CEP170: variants seen among roughly 807,000 people sequenced by gnomAD.
CEP170 encodes centrosomal protein of 170 kDa.
In CEP170, 21 loss-of-function variants were observed where a neutral mutation model predicts 151.9. That is an observed-to-expected ratio of 0.14 (90% CI 0.10 to 0.20). CEP170 has a LOEUF of 0.20. Ranked by LOEUF, CEP170 falls within the 10% of genes least tolerant of loss-of-function variation. The pLI is 1.00. For synonymous variants in CEP170, 356 were observed against 648.8 expected (o/e 0.55, Z 6.86); for missense variants, 964 against 1,892.9 (o/e 0.51, Z 9.11).
intron 10 of CEP170, among the ~76,000 whole-genome samples, chr1:243,183,041 C>A (rs2059725554): frequency 6.6e-6 from 1 of 151,552 alleles, no homozygotes; most frequent in East Asian, 1.9e-4. Flanking sequence ...GACCTGAGAT[C>A]TCCTCTTGGA....
At chr1:243,144,186 C>G (rs954274779) in intron 14 of CEP170, among the ~76,000 whole-genome samples, 5 of 152,166 alleles carry the variant, frequency 3.3e-5, no homozygotes, top group African/African-American at 1.2e-4. Context: ...CAGAAGGCAC[C>G]ATTATAATAT....
chr1:243,143,174 C>T (rs1301260752), intron 14 of CEP170, among the ~76,000 whole-genome samples: 1 of 151,886 alleles, frequency 6.6e-6, no homozygotes, highest in Non-Finnish European at 1.5e-5. Flanking sequence ...ACAAAATGGG[C>T]AAAGGGGTCT....
At chr1:243,207,437 C>A (rs2061497438) in intron 4 of CEP170, among the ~76,000 whole-genome samples, 1 of 152,116 alleles carries the variant, frequency 6.6e-6, no homozygotes. Context: ...TAATTATAGC[C>A]TGAGATTTCA....
intron 3 of CEP170, among the ~76,000 whole-genome samples, chr1:243,217,808 T>C (rs2062437746): frequency 6.6e-6 from 1 of 152,188 alleles, no homozygotes; most frequent in African/African-American, 2.4e-5. Context: ...GGTAGAGACC[T>C]GGTGGTGAGG....
chr1:243,126,507 A>G lies in CEP170; in HGVS notation c.4697T>C (p.Ile1566Thr), dbSNP rs762406857. ...ENAESEADFS[I>T]HFNRFNPDGE... is the part of the protein sequence containing the mutation. ...ATCGGGGTTGAATCTATTGAAATGT[A>G]TACTGAAATCAGCCTCAGATTCAGC... The change falls in exon 20 of 20, where the codon ATA becomes ACA. Residue 1566 changes from isoleucine (I) to threonine (T), a missense_variant. By Grantham distance (89) the Ile-to-Thr change is moderately conservative. Transcript: ENST00000366542. The G allele has an allele frequency of 9.3e-5, 150 of 1,608,710 alleles. No individual in the cohort carries two copies. In the East Asian group the frequency reaches 2.8e-3, roughly 30 times the overall value.
At chr1:243,212,199 A>G (rs1320275671) in intron 3 of CEP170, among the ~76,000 whole-genome samples, 1 of 152,210 alleles carries the variant, frequency 6.6e-6, no homozygotes, top group African/African-American at 2.4e-5. Flanking sequence ...AGATGAATTT[A>G]GGCACTTAGA....
chr1:243,152,521 A>ATATTT (rs2057196030), intron 14 of CEP170, among the ~76,000 whole-genome samples: 1 of 54,934 alleles, frequency 1.8e-5, no homozygotes, highest in African/African-American at 7.5e-5. Context: ...GCGCCCAGCC[A>ATATTT]TTTTTTTTTT....
In CEP170 at chr1:243,124,676, A is replaced by G. The variant is rs1036299311; in HGVS notation, c.*1773T>C. 1.3e-5 allele frequency: 2 copies of G among 152,564 alleles called. No individual in the cohort carries two copies. The highest frequency in any genetic ancestry group is 2.9e-5 in the Non-Finnish European group (2 of 67,988). The allele number at this position is 152,564 out of a possible 1,614,324, so 9.5% of individuals were successfully genotyped here. On this transcript the variant is annotated 3_prime_UTR_variant, in exon 20 of 20. Coordinates refer to ENST00000366542, the MANE Select transcript of CEP170 (RefSeq NM_014812.3). ...CTACTTCCATGTGGATATAATCAGT[A>G]CCCAAATATTAAATAAAAGAGGGAG... is the stretch of plus-strand genomic sequence containing the variant.
intron 17 of CEP170, 131 bp from the exon 18 acceptor site, chr1:243,129,584 G>C (rs1455351525): frequency 1.3e-6 from 1 of 761,368 alleles, no homozygotes. Context: ...CGCATAAACT[G>C]AGAATTAAAA....
At chr1:243,210,955 A>G (rs2061748848) in intron 4 of CEP170, among the ~76,000 whole-genome samples, 1 of 152,012 alleles carries the variant, frequency 6.6e-6, no homozygotes, top group Non-Finnish European at 1.5e-5. Context: ...ACAATTTTAT[A>G]GTGTTAATAC....
chr1:243,253,676 A>G (rs1036528459), intron 1 of CEP170, among the ~76,000 whole-genome samples: 3 of 152,160 alleles, frequency 2.0e-5, no homozygotes, highest in African/African-American at 7.2e-5. Context: ...AGATCCAGAT[A>G]CTATAGTCAT....
chr1:243,243,976 T>A (rs1036357715), intron 1 of CEP170, among the ~76,000 whole-genome samples: 1 of 152,224 alleles, frequency 6.6e-6, no homozygotes, highest in Non-Finnish European at 1.5e-5. Context: ...AAAACCAGTA[T>A]GTTCATTTTT....
At chr1:243,238,173 G>A (rs561631129) in intron 1 of CEP170, among the ~76,000 whole-genome samples, 24 of 152,214 alleles carry the variant, frequency 1.6e-4, no homozygotes, top group African/African-American at 4.3e-4. Flanking sequence ...GGAGGGAATC[G>A]CTAGGCACAG....
chr1:243,250,200 T>C (rs569904987), intron 1 of CEP170, among the ~76,000 whole-genome samples: 39 of 152,382 alleles, frequency 2.6e-4, no homozygotes, highest in Middle Eastern at 6.8e-3. Context: ...ACATTCATTC[T>C]ATTTATAAAT....
At chr1:243,162,664 G>A (rs1229555256) in intron 13 of CEP170, among the ~76,000 whole-genome samples, 1 of 152,044 alleles carries the variant, frequency 6.6e-6, no homozygotes, top group Non-Finnish European at 1.5e-5. Flanking sequence ...CCTAAATATC[G>A]AGGAATAAAA....
At chr1:243,151,281 C>T (rs528424210) in intron 14 of CEP170, among the ~76,000 whole-genome samples, 2 of 149,590 alleles carry the variant, frequency 1.3e-5, no homozygotes, top group African/African-American at 5.0e-5. Flanking sequence ...CCACTAATCT[C>T]CCATCTGATC....
chr1:243,173,714 C>T (rs896753003), intron 10 of CEP170, among the ~76,000 whole-genome samples: 4 of 137,934 alleles, frequency 2.9e-5, no homozygotes, highest in African/African-American at 8.4e-5. Context: ...CCAGCCTGGG[C>T]GAAAAAGTGA....
chr1:243,182,387 T>C (rs1289385271), intron 10 of CEP170, among the ~76,000 whole-genome samples: 1 of 152,158 alleles, frequency 6.6e-6, no homozygotes, highest in South Asian at 2.1e-4. Context: ...CCCTCTATTG[T>C]CTAATAATTC....
chr1:243,224,633 C>T (rs1195849647), intron 2 of CEP170, among the ~76,000 whole-genome samples: 1 of 152,174 alleles, frequency 6.6e-6, no homozygotes. Flanking sequence ...GACCCTCTTC[C>T]TGAGGCTGTG....
Sources: allele counts gnomAD v4.1 joint callset (sites outside exome capture counted in the v4.1 genomes callset), GRCh38; gene constraint gnomAD v4.1.1; transcripts MANE v1.5; gene names NCBI Gene and HGNC (gene_info 2026-07-23, HGNC 2026-07-21).